RBFOX1: variants seen among roughly 807,000 people sequenced by gnomAD.
RBFOX1 encodes the protein RNA binding protein fox-1 homolog 1.
In RBFOX1, 8 loss-of-function variants were observed where a neutral mutation model predicts 57.7. The observed-to-expected ratio is 0.14, with a 90% CI of 0.08 to 0.25. The LOEUF is 0.25. Ranked by LOEUF, RBFOX1 falls within the 10% of genes least tolerant of loss-of-function variation. The probability of loss-of-function intolerance (pLI) is 1.00; values close to 1 mark genes in which losing one functional copy is unlikely to be tolerated. For missense variants in RBFOX1, 611 were observed against 548.5 expected (o/e 1.11, Z -1.14); for synonymous variants, 326 against 222.4 (o/e 1.47, Z -4.15).
At chr16:6,398,235 C>T (rs1011920707) in intron 2 of RBFOX1, among the ~76,000 whole-genome samples, 1 of 152,142 alleles carries the variant, frequency 6.6e-6, no homozygotes, top group Non-Finnish European at 1.5e-5. Context: ...GGGTTTCTCC[C>T]ATAACATATG....
chr16:6,230,958 T>C (rs761483861), intron 1 of RBFOX1, among the ~76,000 whole-genome samples: 1 of 152,156 alleles, frequency 6.6e-6, no homozygotes, highest in African/African-American at 2.4e-5. Context: ...TCTGACTTTA[T>C]AGGGGCTTGC....
At chr16:5,790,747 G>A (rs150418197) in intron 3 of RBFOX1, among the ~76,000 whole-genome samples, 223 of 152,204 alleles carry the variant, frequency 1.5e-3, no homozygotes, top group African/African-American at 5.1e-3. Context: ...TGCTGGGTGC[G>A]TGCTCTGCAT....
At chr16:7,219,141 G>C (rs190420157) in intron 4 of RBFOX1, among the ~76,000 whole-genome samples, 1 of 152,112 alleles carries the variant, frequency 6.6e-6, no homozygotes, top group Non-Finnish European at 1.5e-5. Flanking sequence ...AGCCCTGCTC[G>C]GAGTAGCCTT....
At chr16:6,896,932 A>G (rs1262642899) in intron 3 of RBFOX1, among the ~76,000 whole-genome samples, 2 of 152,166 alleles carry the variant, frequency 1.3e-5, no homozygotes, top group African/African-American at 2.4e-5. Flanking sequence ...AAAGAAAGCA[A>G]AGAAACTCTG....
chr16:7,050,524 C>T (rs1000675811), intron 3 of RBFOX1, among the ~76,000 whole-genome samples: 5 of 152,094 alleles, frequency 3.3e-5, no homozygotes, highest in Non-Finnish European at 5.9e-5. Context: ...CCTTGGCCTC[C>T]CAAAGTGCTG....
chr16:6,511,088 C>T (rs1161623036), intron 2 of RBFOX1, among the ~76,000 whole-genome samples: 1 of 152,130 alleles, frequency 6.6e-6, no homozygotes, highest in Non-Finnish European at 1.5e-5. Context: ...TAGCGTGGAT[C>T]AGAATGGCTT....
At chr16:6,056,554 T>A (rs1210919314) in intron 1 of RBFOX1, among the ~76,000 whole-genome samples, 1 of 152,216 alleles carries the variant, frequency 6.6e-6, no homozygotes, top group East Asian at 1.9e-4. Flanking sequence ...TGTAATTGCC[T>A]GGCCTCATTC....
intron 3 of RBFOX1, among the ~76,000 whole-genome samples, chr16:6,675,167 G>C (rs1034678080): frequency 6.6e-5 from 10 of 152,162 alleles, no homozygotes; most frequent in African/African-American, 4.8e-5. Context: ...GCCTCCCAAA[G>C]TGCTGGGTTT....
intron 3 of RBFOX1, among the ~76,000 whole-genome samples, chr16:6,867,954 C>G (rs1464776642): frequency 2.0e-5 from 3 of 152,232 alleles, no homozygotes; most frequent in East Asian, 3.9e-4. Flanking sequence ...ATGGCTCAGA[C>G]AAATTGGCAG....
intron 3 of RBFOX1, among the ~76,000 whole-genome samples, chr16:5,727,843 A>T (rs1230214202): frequency 6.6e-6 from 1 of 152,116 alleles, no homozygotes; most frequent in East Asian, 1.9e-4. Flanking sequence ...GTGCGCCACC[A>T]TGCCCACTAA....
chr16:7,321,948 C>T (rs956467464), intron 4 of RBFOX1, among the ~76,000 whole-genome samples: 2 of 152,198 alleles, frequency 1.3e-5, no homozygotes, highest in African/African-American at 4.8e-5. Flanking sequence ...ATGAGAGGTT[C>T]AGCTGCACAG....
At chr16:6,794,136 C>G (rs943874243) in intron 3 of RBFOX1, among the ~76,000 whole-genome samples, 2 of 152,078 alleles carry the variant, frequency 1.3e-5, no homozygotes, top group African/African-American at 4.8e-5. Flanking sequence ...TTAAATCGCT[C>G]CTATGCTGGA....
At position 6,803,961 on chromosome 16, in the gene RBFOX1, G is replaced by A. The variant is rs376016235; in HGVS notation, c.-16+149311G>A. 3.3e-5 allele frequency among the ~76,000 whole-genome samples: 5 copies of A among 151,966 alleles called. No homozygotes were observed. In the South Asian group the frequency reaches 8.3e-4, roughly 25 times the overall value. On this transcript the variant is annotated intron_variant, in intron 3 of 15. Coordinates refer to ENST00000550418, the MANE Select transcript of RBFOX1 (RefSeq NM_018723.4). ...TAGAACCCATAGTTTCCTAATATTT[G>A]CACGTTATAACATATGAAGCTAAAC...
At chr16:6,569,747 A>G (rs1013669678) in intron 2 of RBFOX1, among the ~76,000 whole-genome samples, 13 of 152,286 alleles carry the variant, frequency 8.5e-5, no homozygotes, top group Admixed American at 6.5e-4. Context: ...TTCATTCTCT[A>G]GAGAAAACCC....
rs1041016562 is a variant in RBFOX1, at chr16:6,350,495, A to C, written c.-64+33438A>C. On this transcript the variant is annotated intron_variant, in intron 2 of 15. Coordinates refer to ENST00000550418, the MANE Select transcript of RBFOX1 (RefSeq NM_018723.4). ...AAAAAAAAAAAAAAAAAAAAAAAAAAAAAACAGTGTTCTCTAGAATATACT... is the reference window on the plus strand; with the variant it reads ...AAAAAAAAAAAAAAAAAAAAAAAAACAAAACAGTGTTCTCTAGAATATACT... Among the ~76,000 whole-genome samples the C allele has an allele frequency of 1.1e-4, 14 of 126,446 alleles. No individual in the cohort carries two copies. The East Asian group carries it at 1.7e-3, about 15-fold the overall frequency. 83.0% of individuals were successfully genotyped at this position (126,446 alleles called of 152,430 possible).
chr16:6,976,778 C>T (rs2086988770), intron 3 of RBFOX1, among the ~76,000 whole-genome samples: 1 of 90,768 alleles, frequency 1.1e-5, no homozygotes, highest in African/African-American at 4.1e-5. Context: ...TATGACATAT[C>T]AATATATTAT....
chr16:7,635,077 G>T (rs2061547562), intron 11 of RBFOX1, among the ~76,000 whole-genome samples: 1 of 152,184 alleles, frequency 6.6e-6, no homozygotes. Flanking sequence ...AAAGGTACTA[G>T]GTGTATTATT....
At chr16:7,135,171 A>T (rs561286533) in intron 4 of RBFOX1, among the ~76,000 whole-genome samples, 1 of 152,210 alleles carries the variant, frequency 6.6e-6, no homozygotes, top group South Asian at 2.1e-4. Flanking sequence ...TCCCTGTTAC[A>T]TTGTTCTGTT....
chr16:7,189,769 A>G (rs1209184800), intron 4 of RBFOX1, among the ~76,000 whole-genome samples: 1 of 152,212 alleles, frequency 6.6e-6, no homozygotes, highest in Non-Finnish European at 1.5e-5. Flanking sequence ...AATCCCTTCT[A>G]TAACTTTCCC....
Sources: allele counts gnomAD v4.1 joint callset (sites outside exome capture counted in the v4.1 genomes callset), GRCh38; gene constraint gnomAD v4.1.1; transcripts MANE v1.5; gene names NCBI Gene and HGNC (gene_info 2026-07-23, HGNC 2026-07-21).